CADPS2: variants seen among roughly 807,000 people sequenced by gnomAD.
CADPS2 encodes calcium-dependent secretion activator 2.
CADPS2 carries 93 observed loss-of-function variants against 172.5 expected under a neutral mutation model. That is an observed-to-expected ratio of 0.54 (90% CI 0.46 to 0.64). The LOEUF is 0.64. Ranked by LOEUF, CADPS2 falls within the 30% of genes least tolerant of loss-of-function variation. The probability of loss-of-function intolerance (pLI) is 0.00; values close to 1 mark genes in which losing one functional copy is unlikely to be tolerated. For synonymous variants in CADPS2, 546 were observed against 555.2 expected, an observed-to-expected ratio of 0.98 and a Z score of 0.23; for missense variants, 1,420 against 1,565.9, an observed-to-expected ratio of 0.91 and a Z score of 1.57.
At chr7:122,351,058 T>C (rs777930944) in intron 27 of CADPS2, among the ~76,000 whole-genome samples, 19 of 151,158 alleles carry the variant, frequency 1.3e-4, no homozygotes, top group South Asian at 2.1e-4. Context: ...AAACCATGAA[T>C]GAAAAAAAAT....
intron 29 of CADPS2, among the ~76,000 whole-genome samples, chr7:122,322,689 A>C (rs2032845834): frequency 6.6e-6 from 1 of 152,222 alleles, no homozygotes; most frequent in African/African-American, 2.4e-5. Context: ...CTAAGGTAAA[A>C]ACTTTGCAAA....
rs868688180 is a variant in CADPS2 at position 122,563,528 on chromosome 7, C to A, written c.1336-8839G>T. On this transcript the variant is annotated intron_variant, in intron 7 of 29. Coordinates refer to ENST00000449022, the MANE Select transcript of CADPS2 (RefSeq NM_017954.11). The stretch of plus-strand genomic sequence containing the variant: ...ATCACTTCAAATCACTTCAAGATAA[C>A]AACAGACACTTTCAATTTTATATCG... 4.6e-5 allele frequency among the ~76,000 whole-genome samples: 7 copies of A among 152,208 alleles called. No individual in the cohort carries two copies. In the South Asian group the frequency reaches 1.5e-3, roughly 32 times the overall value.
chr7:122,721,119 C>T (rs1236911366), intron 2 of CADPS2, among the ~76,000 whole-genome samples: 1 of 151,908 alleles, frequency 6.6e-6, no homozygotes, highest in Non-Finnish European at 1.5e-5. Context: ...AAAAGAAAGA[C>T]ATCATTGTCT....
In CADPS2 at chr7:122,645,472, T is replaced by A. The variant is rs1439135790; in HGVS notation, c.787-16144A>T. On this transcript the variant is annotated intron_variant, in intron 3 of 29. Coordinates refer to ENST00000449022, the MANE Select transcript of CADPS2 (RefSeq NM_017954.11). ...ACACATATGTATATATGTGTATATA[T>A]GTATATATATTTAGCGTATATATAT... 1.3e-3 allele frequency among the ~76,000 whole-genome samples: 124 copies of A among 97,966 alleles called. 4 individuals are homozygous for A. Among genetic ancestry groups the A allele is most frequent in the Non-Finnish European group, 1.8e-3 (79 of 42,828 alleles). The allele number at this position is 97,966 out of a possible 152,430, so 64.3% of individuals were successfully genotyped here.
At chr7:122,721,608 G>A (rs1471713633) in intron 2 of CADPS2, among the ~76,000 whole-genome samples, 1 of 152,082 alleles carries the variant, frequency 6.6e-6, no homozygotes, top group Non-Finnish European at 1.5e-5. Context: ...TCTACCAGAG[G>A]TACAAGGAGG....
chr7:122,881,208 C>T (rs1006645812), intron 1 of CADPS2, among the ~76,000 whole-genome samples: 2 of 152,008 alleles, frequency 1.3e-5, no homozygotes, highest in East Asian at 1.9e-4. Flanking sequence ...GCAAACAAAA[C>T]GAAACTGAAA....
chr7:122,593,661 C>A (rs1470550848), intron 6 of CADPS2, among the ~76,000 whole-genome samples: 1 of 151,764 alleles, frequency 6.6e-6, no homozygotes, highest in Non-Finnish European at 1.5e-5. Context: ...AAAAAATTGA[C>A]AGTTTTGAAT....
chr7:122,423,747 A>G (rs1227564432), intron 17 of CADPS2, among the ~76,000 whole-genome samples: 1 of 152,188 alleles, frequency 6.6e-6, no homozygotes, highest in African/African-American at 2.4e-5. Flanking sequence ...AGGACTTGCT[A>G]AAACACAAAT....
chr7:122,821,042 C>A (rs1313736066), intron 1 of CADPS2, among the ~76,000 whole-genome samples: 2 of 152,148 alleles, frequency 1.3e-5, no homozygotes, highest in East Asian at 3.9e-4. Flanking sequence ...GCTCCTTCAG[C>A]TATACTCACT....
chr7:122,828,348 CT>C (rs965846836), intron 1 of CADPS2, among the ~76,000 whole-genome samples: 185 of 147,270 alleles, frequency 1.3e-3, no homozygotes, highest in East Asian at 2.4e-3. Flanking sequence ...TAATGGGTTC[CT>C]TTTTTTTTTA....
chr7:122,765,563 C>A (rs758612891), intron 1 of CADPS2, among the ~76,000 whole-genome samples: 1 of 152,074 alleles, frequency 6.6e-6, no homozygotes, highest in Admixed American at 6.6e-5. Context: ...AACATTGTTA[C>A]AATGTCTATT....
intron 1 of CADPS2, among the ~76,000 whole-genome samples, chr7:122,822,893 C>A (rs557100326): frequency 6.6e-6 from 1 of 152,074 alleles, no homozygotes; most frequent in African/African-American, 2.4e-5. Flanking sequence ...TATCTCCCTT[C>A]GCTGACTCTC....
At chr7:122,664,325 A>C (rs947734535) in intron 2 of CADPS2, among the ~76,000 whole-genome samples, 1 of 152,124 alleles carries the variant, frequency 6.6e-6, no homozygotes, top group Non-Finnish European at 1.5e-5. Flanking sequence ...CCACCTCTGC[A>C]ACTTCTCACA....
chr7:122,386,261 G>T (rs1010358468), intron 24 of CADPS2: 6 of 1,350,018 alleles, frequency 4.4e-6, no homozygotes, highest in Non-Finnish European at 5.9e-6. Context: ...TAACTCAAAT[G>T]AAATGTGCTT....
intron 1 of CADPS2, among the ~76,000 whole-genome samples, chr7:122,812,224 C>T (rs17144934): frequency 0.2 from 30,200 of 151,616 alleles, 3,130 homozygotes; most frequent in Middle Eastern, 0.3. Flanking sequence ...AGTTTCATGA[C>T]CCATTGATAG....
chr7:122,478,987 A>G (rs1353190883), intron 12 of CADPS2, among the ~76,000 whole-genome samples: 1 of 152,078 alleles, frequency 6.6e-6, no homozygotes, highest in Non-Finnish European at 1.5e-5. Flanking sequence ...ACAAATTCTT[A>G]TGGTACTGCA....
intron 1 of CADPS2, among the ~76,000 whole-genome samples, chr7:122,769,413 G>C (rs1273735118): frequency 6.6e-6 from 1 of 152,092 alleles, no homozygotes; most frequent in Non-Finnish European, 1.5e-5. Context: ...TCCAGGAACA[G>C]AATCCCTACA....
intron 1 of CADPS2, among the ~76,000 whole-genome samples, chr7:122,781,442 TTCTG>T (rs1792696597): frequency 6.6e-6 from 1 of 152,246 alleles, no homozygotes; most frequent in South Asian, 2.1e-4. Context: ...AAATCCAAGA[TTCTG>T]TCTTATTTTT....
At chr7:122,623,182 T>C (rs1428297925) in intron 4 of CADPS2, among the ~76,000 whole-genome samples, 1 of 147,936 alleles carries the variant, frequency 6.8e-6, no homozygotes, top group Admixed American at 6.9e-5. Flanking sequence ...CAAATTTGTA[T>C]CCTTAAGAAA....
Sources: gnomAD v4.1 joint callset for allele counts (sites outside exome capture counted in the v4.1 genomes callset) on GRCh38, gnomAD v4.1.1 for gene constraint, MANE v1.5 for transcripts, NCBI Gene and HGNC (gene_info 2026-07-23, HGNC 2026-07-21) for gene names.